Variants in FRMD6 observed in about 807,000 individuals in gnomAD.
The protein encoded by FRMD6 is FERM domain containing 6.
A neutral mutation model predicts 73.2 loss-of-function variants in FRMD6; 37 were observed. That is an observed-to-expected ratio of 0.51 (90% CI 0.39 to 0.66). The LOEUF (loss-of-function observed/expected upper bound fraction) is 0.66, where lower values mean the gene tolerates loss of function less well. FRMD6 is among the 30% of genes least tolerant of loss of function. The pLI, the probability that FRMD6 is intolerant of heterozygous loss-of-function variation, is 0.00. For missense variants in FRMD6, 714 were observed against 780.5 expected, an observed-to-expected ratio of 0.91 and a Z score of 1.02; for synonymous variants, 273 against 282.2, an observed-to-expected ratio of 0.97 and a Z score of 0.33.
In FRMD6 at chr14:51,631,609, T is replaced by C. The variant is rs142005297; in HGVS notation, c.-146-58082T>C. 9.1e-4 allele frequency among the ~76,000 whole-genome samples: 139 copies of C among 152,326 alleles called. 3 individuals are homozygous for C. In the East Asian group the frequency reaches 0.024, roughly 26 times the overall value. ...ATATGCTGTGAAATCACTTTTTCTC[T>C]TTACCATTGTCAGCACAGCTTCTGG... On this transcript the variant is annotated intron_variant, in intron 2 of 14. Transcript: ENST00000356218.
At chr14:51,532,962 A>C (rs1427621306) in intron 1 of FRMD6, among the ~76,000 whole-genome samples, 2 of 152,252 alleles carry the variant, frequency 1.3e-5, no homozygotes, top group East Asian at 3.8e-4. Flanking sequence ...TGTCAATGTC[A>C]TCCAGCCCTT....
At chr14:51,522,929 TA>T (rs1885029814) in intron 1 of FRMD6, 1 of 152,212 alleles carries the variant, frequency 6.6e-6, no homozygotes, top group Non-Finnish European at 1.5e-5. Context: ...GGCACCTGTG[TA>T]AAGATGGCAT....
At chr14:51,661,933 G>A (rs772833127) in intron 1 of FRMD6, among the ~76,000 whole-genome samples, 3 of 152,194 alleles carry the variant, frequency 2.0e-5, no homozygotes, top group Non-Finnish European at 4.4e-5. Flanking sequence ...AATGTTGGAG[G>A]CCGTGCATAT....
intron 1 of FRMD6, among the ~76,000 whole-genome samples, chr14:51,660,763 G>A (rs780960465): frequency 6.6e-6 from 1 of 152,178 alleles, no homozygotes; most frequent in African/African-American, 2.4e-5. Context: ...CAGTAGGAGT[G>A]CTGGGGGAGG....
chr14:51,590,375 A>G (rs999635705), intron 2 of FRMD6, among the ~76,000 whole-genome samples: 2 of 151,822 alleles, frequency 1.3e-5, no homozygotes, highest in African/African-American at 4.8e-5. Context: ...TCATTTGGCT[A>G]TTTTTGGAGG....
intron 2 of FRMD6, among the ~76,000 whole-genome samples, chr14:51,640,171 A>C (rs1031275064): frequency 6.6e-6 from 1 of 152,218 alleles, no homozygotes; most frequent in Non-Finnish European, 1.5e-5. Flanking sequence ...AATTAGATGC[A>C]CTGACGTCAA....
At chr14:51,541,260 T>G (rs1434889689) in intron 1 of FRMD6, among the ~76,000 whole-genome samples, 1 of 152,124 alleles carries the variant, frequency 6.6e-6, no homozygotes, top group Non-Finnish European at 1.5e-5. Context: ...GTCTAGATCA[T>G]TGAACTTGGG....
At chr14:51,443,180 A>T in the FRMD6 span, among the ~76,000 whole-genome samples, 1 of 152,222 alleles carries the variant, frequency 6.6e-6, no homozygotes, top group Non-Finnish European at 1.5e-5. Flanking sequence ...TCTTTCAAAC[A>T]GTCTTTTCCA....
At chr14:51,712,084 C>G (rs1896974651) in intron 8 of FRMD6, among the ~76,000 whole-genome samples, 1 of 152,098 alleles carries the variant, frequency 6.6e-6, no homozygotes, top group Non-Finnish European at 1.5e-5. Flanking sequence ...TATCCTGCAG[C>G]CATCAAAAAG....
At chr14:51,529,118 A>G (rs764571911) in intron 1 of FRMD6, among the ~76,000 whole-genome samples, 1 of 152,210 alleles carries the variant, frequency 6.6e-6, no homozygotes. Flanking sequence ...ACCTAGAAAC[A>G]TGGTGTTTTG....
At chr14:51,459,311 T>C in the FRMD6 span, among the ~76,000 whole-genome samples, 79 of 152,352 alleles carry the variant, frequency 5.2e-4, no homozygotes, top group Middle Eastern at 6.8e-3. Context: ...CCAATTCACA[T>C]GGGCCTGGAT....
At chr14:51,592,772 C>T (rs1889469632) in intron 2 of FRMD6, among the ~76,000 whole-genome samples, 1 of 152,180 alleles carries the variant, frequency 6.6e-6, no homozygotes, top group East Asian at 1.9e-4. Flanking sequence ...AATTTTTAAT[C>T]TGTATGTACA....
At chr14:51,649,879 C>CT (rs1315338926), upstream of FRMD6, 1 of 152,224 alleles carries the variant, frequency 6.6e-6, no homozygotes, top group Admixed American at 6.5e-5. Flanking sequence ...CCACCTCAGC[C>CT]TCCTGAGTAG....
chr14:51,608,601 G>A (rs1013123688), intron 2 of FRMD6, among the ~76,000 whole-genome samples: 3 of 151,962 alleles, frequency 2.0e-5, no homozygotes, highest in Non-Finnish European at 2.9e-5. Flanking sequence ...GTTCAGCCAC[G>A]CTTGCAGTAG....
the FRMD6 span, among the ~76,000 whole-genome samples, chr14:51,406,252 G>C: frequency 6.6e-6 from 1 of 151,894 alleles, no homozygotes; most frequent in African/African-American, 2.4e-5. Flanking sequence ...GTTTGATGTT[G>C]GGTAATATGA....
intron 1 of FRMD6, among the ~76,000 whole-genome samples, chr14:51,509,420 G>C (rs1015684350): frequency 2.0e-5 from 3 of 151,956 alleles, no homozygotes; most frequent in African/African-American, 7.2e-5. Context: ...CCAGCTACTC[G>C]GGAGGCTGAG....
At chr14:51,460,385 CTT>C in the FRMD6 span, among the ~76,000 whole-genome samples, 1 of 152,146 alleles carries the variant, frequency 6.6e-6, no homozygotes, top group Non-Finnish European at 1.5e-5. Context: ...TGTTTCTAGT[CTT>C]TGGTTATTTT....
At chr14:51,601,136 C>A (rs1302875907) in intron 2 of FRMD6, among the ~76,000 whole-genome samples, 8 of 152,146 alleles carry the variant, frequency 5.3e-5, no homozygotes, top group Non-Finnish European at 7.3e-5. Context: ...GCAGACCTGT[C>A]CCCCAGCATC....
intron 1 of FRMD6, among the ~76,000 whole-genome samples, chr14:51,550,813 T>A (rs1220711737): frequency 1.3e-5 from 2 of 152,196 alleles, no homozygotes; most frequent in African/African-American, 4.8e-5. Context: ...CATTTGCTAG[T>A]TTCCCTTGCC....
Sources: allele counts gnomAD v4.1 joint callset (sites outside exome capture counted in the v4.1 genomes callset), GRCh38; gene constraint gnomAD v4.1.1; transcripts MANE v1.5; gene names NCBI Gene and HGNC (gene_info 2026-07-23, HGNC 2026-07-21).